PTBP3: variants seen among roughly 807,000 people sequenced by gnomAD.
The protein encoded by PTBP3 is polypyrimidine tract binding protein 3, also known as polypyrimidine tract-binding protein 3.
In PTBP3, 20 loss-of-function variants were observed where a neutral mutation model predicts 58.7. The ratio of observed to expected loss-of-function variants is 0.34; its 90% CI spans 0.24 to 0.50. PTBP3 has a LOEUF of 0.50. PTBP3 is among the 20% of genes least tolerant of loss of function. The pLI is 0.98. For missense variants in PTBP3, 509 were observed against 637.2 expected (o/e 0.80, Z 2.17); for synonymous variants, 185 against 219.8 (o/e 0.84, Z 1.40).
chr9:112,358,301 CTG>C, the PTBP3 span, among the ~76,000 whole-genome samples: 1 of 152,120 alleles, frequency 6.6e-6, no homozygotes, highest in South Asian at 2.1e-4. Context: ...CAGTGAGACT[CTG>C]TCTCAAAAAA....
intron 3 of PTBP3, 47 bp from the exon 4 acceptor site, chr9:112,268,242 G>A: frequency 3.8e-6 from 6 of 1,564,534 alleles, no homozygotes; most frequent in Non-Finnish European, 5.2e-6. Context: ...CTTTTTGAAA[G>A]ACAGTTAAGA....
At chr9:112,379,144 C>T in the PTBP3 span, among the ~76,000 whole-genome samples, 1 of 152,170 alleles carries the variant, frequency 6.6e-6, no homozygotes. Flanking sequence ...AGCCGAGATC[C>T]GCGCCACTGC....
In PTBP3 at chr9:112,275,908, A is replaced by C; in HGVS notation, c.140T>G (p.Ile47Ser). The C allele has an allele frequency of 8.7e-6, 14 of 1,614,012 alleles. No homozygotes were observed. The highest frequency in any genetic ancestry group is 1.2e-5 in the Non-Finnish European group (14 of 1,179,884). Residue 47 changes from isoleucine (I) to serine (S), a missense_variant, in exon 3 of 14, where the codon ATC (isoleucine) becomes AGC (serine). Around this residue, in one of 4 missense-constraint regions of PTBP3, gnomAD observed 212 missense variants for 215.3 expected, o/e 0.98. Transcript: ENST00000374257. ...GCCAAATGGTAGACCTAATGATATG[A>C]TCTCTGCTTCGGTGACATCACATGG... is the stretch of plus-strand genomic sequence containing the variant. ...KIPCDVTEAEIISLGLPFGKV... is the reference protein window; with the variant it reads ...KIPCDVTEAESISLGLPFGKV...
At position 112,244,798 on chromosome 9, in the gene PTBP3, C is replaced by T. The variant is rs201080186; in HGVS notation, c.802+6131G>A. The stretch of plus-strand genomic sequence containing the variant: ...ACTCATTTGTAAATTCAATGTAATC[C>T]CAATCAAAACCCCAATAGCTACTGC... On this transcript the variant is annotated intron_variant, in intron 7 of 13. Coordinates refer to ENST00000374257, the MANE Select transcript of PTBP3 (RefSeq NM_001163788.4). 5.9e-5 allele frequency among the ~76,000 whole-genome samples: 9 copies of T among 151,746 alleles called. No individual in the cohort carries two copies. In the East Asian group the frequency reaches 1.3e-3, roughly 23 times the overall value.
intron 1 of PTBP3, among the ~76,000 whole-genome samples, chr9:112,310,548 A>G (rs1040611960): frequency 1.3e-5 from 2 of 152,226 alleles, no homozygotes; most frequent in African/African-American, 4.8e-5. Context: ...GCCACCAGCT[A>G]TGTGCCAGGC....
intron 2 of PTBP3, among the ~76,000 whole-genome samples, chr9:112,291,956 A>T (rs951243211): frequency 3.7e-5 from 3 of 80,546 alleles, no homozygotes; most frequent in Non-Finnish European, 6.9e-5. Context: ...GAAATCATAA[A>T]CTACATACGT....
intron 11 of PTBP3, 51 bp from the exon 12 acceptor site, chr9:112,227,678 C>A: frequency 7.7e-7 from 1 of 1,299,320 alleles, no homozygotes; most frequent in South Asian, 1.2e-5. Flanking sequence ...ATAGATTTCT[C>A]AGTAGTATCT....
At chr9:112,344,131 T>A in the PTBP3 span, among the ~76,000 whole-genome samples, 1 of 152,208 alleles carries the variant, frequency 6.6e-6, no homozygotes, top group Non-Finnish European at 1.5e-5. Context: ...AATCTTTTTT[T>A]ATTTATGTTT....
rs1317958622 is a variant in PTBP3 at position 112,297,896 on chromosome 9, A to C, written c.-31T>G. 5.0e-6 allele frequency: 8 copies of C among 1,613,378 alleles called. No homozygotes were observed. Among genetic ancestry groups the C allele is most frequent in the Non-Finnish European group, 6.8e-6 (8 of 1,179,662 alleles). On this transcript the variant is annotated 5_prime_UTR_variant, in exon 2 of 14. Coordinates refer to ENST00000374257, the MANE Select transcript of PTBP3 (RefSeq NM_001163788.4). Reference sequence around the variant, plus strand: ...AAGGTCCGTTAATGATGCCAGAAGAAAGAAGCTCATCAGATCCCCGCTGAA... The same window carrying C: ...AAGGTCCGTTAATGATGCCAGAAGACAGAAGCTCATCAGATCCCCGCTGAA...
At chr9:112,274,540 C>T (rs1178218132) in intron 3 of PTBP3, among the ~76,000 whole-genome samples, 6 of 152,136 alleles carry the variant, frequency 3.9e-5, no homozygotes, top group Non-Finnish European at 7.3e-5. Flanking sequence ...TTAAAATCAA[C>T]ATGACAAGTA....
chr9:112,265,822 T>C (rs1176655056), intron 4 of PTBP3, among the ~76,000 whole-genome samples: 1 of 152,106 alleles, frequency 6.6e-6, no homozygotes, highest in Non-Finnish European at 1.5e-5. Context: ...TATTCAAGAA[T>C]AATGCAGGAG....
the PTBP3 span, among the ~76,000 whole-genome samples, chr9:112,344,313 G>T: frequency 6.6e-6 from 1 of 152,118 alleles, no homozygotes; most frequent in Non-Finnish European, 1.5e-5. Context: ...GGACCGTTAG[G>T]GGGTGATTAG....
chr9:112,257,521 G>C lies in PTBP3; in HGVS notation c.517-4733C>G, dbSNP rs899403902. On this transcript the variant is annotated intron_variant, in intron 5 of 13. Transcript: ENST00000374257. ...CCTCCTGTGTATTTTAATATTTTCA[G>C]ACTGTAACACAGGACTAAGAAGATA... Among the ~76,000 whole-genome samples the C allele has an allele frequency of 2.6e-5, 4 of 152,094 alleles. 1 individual carries two copies. The highest frequency in any genetic ancestry group is 9.7e-5 in the African/African-American group (4 of 41,418).
Position 112,275,971 on chromosome 9 carries a change from G to A in PTBP3, c.77C>T (p.Pro26Leu). ...DSKKFKRDRP[P>L]CSPSRVLHLR... ...ATGGAGAACACGGGAAGGCGAACAG[G>A]GAGGTCTATCTCGTTTAAATTTCTT... Residue 26 changes from proline to leucine, a missense_variant, in exon 3 of 14, where the codon CCC becomes CTC. Around this residue, in one of 4 missense-constraint regions of PTBP3, gnomAD observed 212 missense variants for 215.3 expected, o/e 0.98. Coordinates refer to ENST00000374257, the MANE Select transcript of PTBP3 (RefSeq NM_001163788.4). 6.2e-7 allele frequency: 1 copy of A among 1,613,698 alleles called. No homozygotes were observed. Among genetic ancestry groups the A allele is most frequent in the Non-Finnish European group, 8.5e-7 (1 of 1,179,642 alleles).
At chr9:112,258,279 T>C (rs1836456501) in intron 5 of PTBP3, among the ~76,000 whole-genome samples, 1 of 152,228 alleles carries the variant, frequency 6.6e-6, no homozygotes, top group Non-Finnish European at 1.5e-5. Context: ...ACAATGACAC[T>C]TTTTAGTATG....
the PTBP3 span, among the ~76,000 whole-genome samples, chr9:112,368,978 G>A: frequency 6.6e-6 from 1 of 152,240 alleles, no homozygotes; most frequent in South Asian, 2.1e-4. Context: ...GCTTCAGAGG[G>A]TCCAATCCCC....
the PTBP3 span, among the ~76,000 whole-genome samples, chr9:112,360,276 T>C: frequency 6.6e-6 from 1 of 152,212 alleles, no homozygotes; most frequent in South Asian, 2.1e-4. Context: ...CTAAAACTCC[T>C]GGGCTCAAGC....
At chr9:112,279,537 G>C (rs1016929976) in intron 2 of PTBP3, among the ~76,000 whole-genome samples, 1 of 152,008 alleles carries the variant, frequency 6.6e-6, no homozygotes, top group Non-Finnish European at 1.5e-5. Context: ...CATTTTAAAT[G>C]CAGGGTTTGA....
intron 3 of PTBP3, among the ~76,000 whole-genome samples, chr9:112,271,748 A>C (rs923496549): frequency 6.6e-6 from 1 of 151,410 alleles, no homozygotes; most frequent in East Asian, 1.9e-4. Context: ...AGAAAGAAAA[A>C]AAAGAAAAAG....
Sources: gnomAD v4.1 joint callset for allele counts (sites outside exome capture counted in the v4.1 genomes callset) on GRCh38, gnomAD v4.1.1 for gene constraint, gnomAD v4.1.1 regional missense constraint, MANE v1.5 for transcripts, NCBI Gene and HGNC (gene_info 2026-07-23, HGNC 2026-07-21) for gene names.